Variants in ITGA9 observed in about 807,000 individuals in gnomAD.
ITGA9 encodes the protein integrin alpha-9.
In ITGA9, 56 loss-of-function variants were observed where a neutral mutation model predicts 127.8. The observed-to-expected ratio is 0.44, with a 90% confidence interval of 0.35 to 0.55. ITGA9 has a LOEUF of 0.55. Among genes scored for constraint, ITGA9 ranks in the 20% least tolerant of loss-of-function variants. ITGA9 has a pLI of 0.00. For synonymous variants in ITGA9, 508 were observed against 514.5 expected (o/e 0.99, Z 0.17); for missense variants, 1,196 against 1,347.1 (o/e 0.89, Z 1.76).
At chr3:37,492,272 G>A (rs1018059432) in intron 4 of ITGA9, among the ~76,000 whole-genome samples, 2 of 152,206 alleles carry the variant, frequency 1.3e-5, no homozygotes, top group Non-Finnish European at 2.9e-5. Context: ...CTTAGACTTT[G>A]GGTTTCAGAA....
chr3:37,615,238 C>T (rs985529628), intron 15 of ITGA9, among the ~76,000 whole-genome samples: 14 of 152,088 alleles, frequency 9.2e-5, no homozygotes, highest in African/African-American at 2.4e-4. Flanking sequence ...TGGTTTTTGT[C>T]GCTGGTTCTG....
chr3:37,629,910 A>T lies in ITGA9; in HGVS notation c.1839+574A>T, dbSNP rs915264198. ...TGAAGTAGGAGTGAGCCTGTGCCTGATTTTGTGCAGCAGCGCTGGCCAGCT... is the reference window on the plus strand; with the variant it reads ...TGAAGTAGGAGTGAGCCTGTGCCTGTTTTTGTGCAGCAGCGCTGGCCAGCT... On this transcript the variant is annotated intron_variant, in intron 16 of 27. Coordinates refer to ENST00000264741, the MANE Select transcript of ITGA9 (RefSeq NM_002207.3). This position sits in a 1 kb window ranked among gnomAD's most constrained non-coding sequence, Gnocchi z 4.5. Among the ~76,000 whole-genome samples, 1 of 152,270 alleles carries T rather than the reference A, an allele frequency of 6.6e-6. No individual in the cohort carries two copies. Among genetic ancestry groups the T allele is most frequent in the Admixed American group, 6.5e-5 (1 of 15,300 alleles).
At chr3:37,575,915 A>AG (rs1042965964) in intron 15 of ITGA9, among the ~76,000 whole-genome samples, 2 of 152,196 alleles carry the variant, frequency 1.3e-5, no homozygotes, top group African/African-American at 4.8e-5. Flanking sequence ...ATTGAGTTTT[A>AG]GGGGGGCTAA....
At chr3:37,736,491 A>G (rs1035083960) in intron 19 of ITGA9, among the ~76,000 whole-genome samples, 6 of 152,192 alleles carry the variant, frequency 3.9e-5, no homozygotes, top group African/African-American at 7.2e-5. Flanking sequence ...CTGGATTCCC[A>G]TCTATGACAG....
intron 11 of ITGA9, among the ~76,000 whole-genome samples, chr3:37,521,610 C>T (rs1234021242): frequency 2.0e-5 from 3 of 152,172 alleles, no homozygotes; most frequent in Non-Finnish European, 4.4e-5. Flanking sequence ...TGGCTTTTAG[C>T]ATAATGGCCT....
In ITGA9 at chr3:37,452,443, G is replaced by A. The variant is rs1418774460; in HGVS notation, c.69G>A (p.Ala23=). The A allele has an allele frequency of 6.8e-7, 1 of 1,479,194 alleles. No individual in the cohort carries two copies. The highest frequency in any genetic ancestry group is 3.0e-5 in the East Asian group (1 of 32,914). The allele number at this position is 1,479,194 out of a possible 1,614,324, so 91.6% of individuals were successfully genotyped here. A position where few individuals can be genotyped will look rare whatever the true frequency, so the allele number is the denominator to read the frequency against. The change falls in exon 1 of 28, where the codon GCG becomes GCA. Residue 23 remains alanine (A), a synonymous_variant. Transcript: ENST00000264741. The surrounding 1 kb of genome is among the most constrained non-coding windows in gnomAD (Gnocchi z 7.3). ...CGCTGCTGCTGGCGCTGGTGGTCGC[G>A]GGGATCCCCGCGGGCGCCTACAACC... ...LRALLLALVV[A]GIPAGAYNLD...
chr3:37,676,003 A>C (rs571024927), intron 17 of ITGA9, among the ~76,000 whole-genome samples: 1 of 152,102 alleles, frequency 6.6e-6, no homozygotes, highest in Admixed American at 6.5e-5. Context: ...TGGCCTCCCA[A>C]AGTGCTGGGA....
At chr3:37,700,476 G>A (rs1239473232) in intron 18 of ITGA9, among the ~76,000 whole-genome samples, 1 of 152,138 alleles carries the variant, frequency 6.6e-6, no homozygotes, top group African/African-American at 2.4e-5. Context: ...AGCCTCCGGA[G>A]TAGTTGGGAA....
intron 18 of ITGA9, among the ~76,000 whole-genome samples, chr3:37,710,306 A>G (rs1438365889): frequency 6.6e-6 from 1 of 152,164 alleles, no homozygotes; most frequent in South Asian, 2.1e-4. Context: ...TCTAATGGCA[A>G]TGCTTCCTCT....
At chr3:37,627,989 C>T (rs550718352) in intron 15 of ITGA9, among the ~76,000 whole-genome samples, 6 of 152,254 alleles carry the variant, frequency 3.9e-5, no homozygotes, top group South Asian at 2.1e-4. Context: ...AATTCCTCCC[C>T]GTGTGCCTCC....
intron 15 of ITGA9, among the ~76,000 whole-genome samples, chr3:37,548,977 C>T (rs187055261): frequency 1.3e-5 from 2 of 152,320 alleles, no homozygotes. Context: ...TGGGAAACTA[C>T]CTTCATCATC....
intron 15 of ITGA9, among the ~76,000 whole-genome samples, chr3:37,591,204 C>T (rs1158511216): frequency 6.6e-6 from 1 of 152,144 alleles, no homozygotes; most frequent in East Asian, 1.9e-4. Flanking sequence ...CATTTTTTCC[C>T]CACCTCCTTT....
chr3:37,555,510 C>CA (rs1362659069), intron 15 of ITGA9, among the ~76,000 whole-genome samples: 1 of 152,122 alleles, frequency 6.6e-6, no homozygotes, highest in African/African-American at 2.4e-5. Flanking sequence ...CCATGTTGGA[C>CA]AGTGCAGATA....
Position 37,732,731 on chromosome 3 carries a change from G to A in ITGA9, c.2087G>A (p.Cys696Tyr), listed in dbSNP as rs1696308477. The part of the protein sequence containing the change: ...MWQKEEMGIS[C>Y]ELLESDFLKC... ...TTTCAGGAGGAGATGGGCATCTCCTGTGAGCTGCTGGAATCGGACTTCCTC... is the reference window on the plus strand; with the variant it reads ...TTTCAGGAGGAGATGGGCATCTCCTATGAGCTGCTGGAATCGGACTTCCTC... The change falls in exon 19 of 28, where the codon TGT (cysteine) becomes TAT (tyrosine). Residue 696 changes from cysteine to tyrosine, a missense_variant. Cys to Tyr is a radical substitution (Grantham distance 194, BLOSUM62 -2). Transcript: ENST00000264741. 5 of 1,609,834 alleles carry A rather than the reference G, an allele frequency of 3.1e-6. No homozygotes were observed. The East Asian group carries it at 8.9e-5, about 29-fold the overall frequency.
Position 37,452,198 on chromosome 3 carries a change from C to A in ITGA9, c.-177C>A. On this transcript the variant is annotated 5_prime_UTR_variant, in exon 1 of 28. Coordinates refer to ENST00000264741, the MANE Select transcript of ITGA9 (RefSeq NM_002207.3). This position sits in a 1 kb window ranked among gnomAD's most constrained non-coding sequence, Gnocchi z 7.3. ...TCGGGGCCGCCCCTGTGCTCGCCTT[C>A]AGCGCCCGCTCAGCCCGCCGTCCGC... 5.9e-6 allele frequency: 1 copy of A among 170,750 alleles called. No individual in the cohort carries two copies. The highest frequency in any genetic ancestry group is 1.2e-5 in the Non-Finnish European group (1 of 86,294). The allele number at this position is 170,750 out of a possible 1,614,324, so 10.6% of individuals were successfully genotyped here. A position where few individuals can be genotyped will look rare whatever the true frequency, so the allele number is the denominator to read the frequency against.
chr3:37,575,010 C>T (rs878914071), intron 15 of ITGA9, among the ~76,000 whole-genome samples: 1 of 152,038 alleles, frequency 6.6e-6, no homozygotes, highest in Non-Finnish European at 1.5e-5. Context: ...TGCTGAAGGC[C>T]CCTTGAGTCA....
intron 15 of ITGA9, among the ~76,000 whole-genome samples, chr3:37,552,524 T>G (rs1408365612): frequency 1.3e-5 from 2 of 152,166 alleles, no homozygotes; most frequent in African/African-American, 4.8e-5. Flanking sequence ...GACTCTTTAA[T>G]GAGAGAGTCA....
intron 15 of ITGA9, among the ~76,000 whole-genome samples, chr3:37,589,830 T>C (rs1160529509): frequency 6.6e-6 from 1 of 152,006 alleles, no homozygotes; most frequent in East Asian, 1.9e-4. Context: ...TAGGGCCTAG[T>C]AGACCATTGA....
At chr3:37,622,264 A>G (rs951474191) in intron 15 of ITGA9, among the ~76,000 whole-genome samples, 2 of 147,724 alleles carry the variant, frequency 1.4e-5, no homozygotes, top group Non-Finnish European at 3.0e-5. Flanking sequence ...ATTTTTTTGT[A>G]TTTTTTAGTA....
Sources: gnomAD v4.1 joint callset for allele counts (sites outside exome capture counted in the v4.1 genomes callset) on GRCh38, gnomAD v4.1.1 for gene constraint, Gnocchi (gnomAD v3.1) non-coding constraint, MANE v1.5 for transcripts, NCBI Gene and HGNC (gene_info 2026-07-23, HGNC 2026-07-21) for gene names.